The following RIC3 variants were observed in gnomAD, a reference collection of about 807,000 sequenced individuals.
RIC3 encodes RIC3 acetylcholine receptor chaperone.
In RIC3, 28 loss-of-function variants were observed where a neutral mutation model predicts 27.3. That is an observed-to-expected ratio of 1.02 (90% CI 0.76 to 1.41). The LOEUF is 1.41. RIC3 is among the 40% of genes most tolerant of loss of function. RIC3 has a pLI of 0.00. For synonymous variants in RIC3, 184 were observed against 160.4 expected (o/e 1.15, Z -1.11); for missense variants, 501 against 444.7 (o/e 1.13, Z -1.14).
In RIC3 at chr11:8,122,406, T is replaced by C. The variant is rs151230708; in HGVS notation, c.670+4253A>G. On this transcript the variant is annotated intron_variant, in intron 5 of 5. Transcript: ENST00000309737. ...ATTCTCTGGAAATTCATCTAGGTTG[T>C]TGTATATATAGTTCATTCCTTTTTA... Among the ~76,000 whole-genome samples, 1,071 of 152,182 alleles carry C rather than the reference T, an allele frequency of 7.0e-3. 25 individuals carry two copies. The highest frequency in any genetic ancestry group is 0.052 in the Admixed American group (796 of 15,176).
At chr11:8,136,269 T>A (rs1948406698) in intron 4 of RIC3, among the ~76,000 whole-genome samples, 1 of 152,166 alleles carries the variant, frequency 6.6e-6, no homozygotes, top group African/African-American at 2.4e-5. Flanking sequence ...ACTAGTACTA[T>A]AAAGGATGGC....
At chr11:8,097,653 C>T in the RIC3 span, 195 of 1,469,510 alleles carry the variant, frequency 1.3e-4, no homozygotes, top group Non-Finnish European at 1.7e-4. Context: ...GTGAGTGGCT[C>T]TCATGACTGT....
At chr11:8,159,228 A>T (rs1950962426) in intron 1 of RIC3, among the ~76,000 whole-genome samples, 1 of 152,174 alleles carries the variant, frequency 6.6e-6, no homozygotes, top group Non-Finnish European at 1.5e-5. Context: ...GGATATCCAA[A>T]AGAAGAGCAT....
intron 1 of RIC3, among the ~76,000 whole-genome samples, chr11:8,150,692 T>A (rs540400057): frequency 6.6e-6 from 1 of 152,250 alleles, no homozygotes; most frequent in South Asian, 2.1e-4. Flanking sequence ...AACAAACTAA[T>A]ACCATAAAAG....
At chr11:8,146,882 T>C (rs1398158226) in intron 1 of RIC3, among the ~76,000 whole-genome samples, 1 of 152,168 alleles carries the variant, frequency 6.6e-6, no homozygotes, top group Admixed American at 6.5e-5. Context: ...TTTTTCAATT[T>C]TACTGTGTAA....
chr11:8,122,455 G>GTATATATATATATATATATATA, intron 5 of RIC3, among the ~76,000 whole-genome samples: 1 of 151,824 alleles, frequency 6.6e-6, no homozygotes. Context: ...ACCACAGTGT[G>GTATATATATATATATATATATA]TATATATATA....
rs1944728565 is a variant in RIC3, at chr11:8,106,922, T to C, written c.*3776A>G. 6.6e-6 allele frequency: 1 copy of C among 152,206 alleles called. No homozygotes were observed. Among genetic ancestry groups the C allele is most frequent in the South Asian group, 2.1e-4 (1 of 4,822 alleles). The allele number at this position is 152,206 out of a possible 1,614,324, so 9.4% of individuals were successfully genotyped here. ...GGACTTGACAGAGTGGTGACAGGGA[T>C]CATGCTGTCACCAAGCACCTACCAC... On this transcript the variant is annotated 3_prime_UTR_variant, in exon 6 of 6. Coordinates refer to ENST00000309737, the MANE Select transcript of RIC3 (RefSeq NM_001206671.4).
intron 1 of RIC3, among the ~76,000 whole-genome samples, chr11:8,163,420 A>G (rs1951377311): frequency 1.3e-5 from 2 of 152,224 alleles, no homozygotes; most frequent in Admixed American, 6.5e-5. Flanking sequence ...ACATTGCACT[A>G]AAGGTTCCAG....
intron 1 of RIC3, among the ~76,000 whole-genome samples, chr11:8,163,018 AACACACAC>A (rs59248468): frequency 2.3e-4 from 31 of 135,962 alleles, no homozygotes; most frequent in Non-Finnish European, 3.8e-4. Context: ...GGATTATTTA[AACACACAC>A]ACACACACAC....
intron 1 of RIC3, among the ~76,000 whole-genome samples, chr11:8,151,622 A>T (rs1950241177): frequency 6.7e-6 from 1 of 149,082 alleles, no homozygotes; most frequent in Non-Finnish European, 1.5e-5. Context: ...AAGTAAAAAT[A>T]AACAACTGTG....
intron 5 of RIC3, among the ~76,000 whole-genome samples, chr11:8,111,371 T>G (rs762074295): frequency 6.6e-6 from 1 of 152,200 alleles, no homozygotes; most frequent in African/African-American, 2.4e-5. Context: ...TCCCTTCTTA[T>G]GTGTAGGGTG....
chr11:8,156,431 C>T (rs1029393274), intron 1 of RIC3, among the ~76,000 whole-genome samples: 2 of 152,164 alleles, frequency 1.3e-5, no homozygotes, highest in African/African-American at 2.4e-5. Context: ...CCAGAGTTTA[C>T]AAGAATTACA....
chr11:8,099,862 T>C, the RIC3 span, among the ~76,000 whole-genome samples: 1 of 152,148 alleles, frequency 6.6e-6, no homozygotes, highest in Non-Finnish European at 1.5e-5. Flanking sequence ...CCTGAATGCC[T>C]GGCATGAAGA....
intron 1 of RIC3, among the ~76,000 whole-genome samples, chr11:8,151,517 C>T (rs1181504822): frequency 7.4e-6 from 1 of 135,066 alleles, no homozygotes; most frequent in African/African-American, 3.0e-5. Flanking sequence ...ACCCGGGAGG[C>T]GGAGCTTGCA....
chr11:8,138,239 A>C lies in RIC3; in HGVS notation c.427+33T>G, dbSNP rs188806935. On this transcript the variant is annotated intron_variant, in intron 3 of 5. Coordinates refer to ENST00000309737, the MANE Select transcript of RIC3 (RefSeq NM_001206671.4). Reference sequence around the variant, plus strand: ...GGCTATAAAACTGTTTGACTCAATAATACCTGTGAATATACTGAGAAGGGG... The same window carrying C: ...GGCTATAAAACTGTTTGACTCAATACTACCTGTGAATATACTGAGAAGGGG... The C allele has an allele frequency of 1.5e-5, 22 of 1,455,058 alleles. No homozygotes were observed. In the African/African-American group the frequency reaches 3.1e-4, roughly 20 times the overall value. The allele number at this position is 1,455,058 out of a possible 1,614,324, so 90.1% of individuals were successfully genotyped here. A position where few individuals can be genotyped will look rare whatever the true frequency, so the allele number is the denominator to read the frequency against.
chr11:8,149,008 GT>G (rs932526550), intron 1 of RIC3, among the ~76,000 whole-genome samples: 4 of 133,046 alleles, frequency 3.0e-5, no homozygotes, highest in African/African-American at 1.2e-4. Flanking sequence ...GTGACACCCT[GT>G]CTCTACTAAA....
At chr11:8,165,766 G>T (rs372527639) in intron 1 of RIC3, among the ~76,000 whole-genome samples, 2,101 of 124,004 alleles carry the variant, frequency 0.017, 58 homozygotes, top group African/African-American at 0.063. Context: ...GTTTTTTGGG[G>T]TTTTTTTTTT....
At chr11:8,113,187 G>A (rs1016947401) in intron 5 of RIC3, among the ~76,000 whole-genome samples, 18 of 152,230 alleles carry the variant, frequency 1.2e-4, no homozygotes, top group Non-Finnish European at 2.4e-4. Context: ...GAAGCTGCTT[G>A]CTAGTCAGCT....
intron 1 of RIC3, among the ~76,000 whole-genome samples, chr11:8,156,679 T>C (rs1010962326): frequency 3.3e-5 from 5 of 152,158 alleles, no homozygotes; most frequent in Non-Finnish European, 7.4e-5. Flanking sequence ...TATCCTCCAG[T>C]GGCTTTGCTT....
Sources: allele counts gnomAD v4.1 joint callset (sites outside exome capture counted in the v4.1 genomes callset), GRCh38; gene constraint gnomAD v4.1.1; transcripts MANE v1.5; gene names NCBI Gene and HGNC (gene_info 2026-07-23, HGNC 2026-07-21).